The following HEPACAM2 variants were observed in gnomAD, a reference collection of about 807,000 sequenced individuals.
HEPACAM2 encodes mitotic kinetics regulator.
HEPACAM2 carries 49 observed loss-of-function variants against 49.6 expected under a neutral mutation model. That is an observed-to-expected ratio of 0.99 (90% CI 0.78 to 1.25). The LOEUF (loss-of-function observed/expected upper bound fraction) is 1.25, where lower values mean the gene tolerates loss of function less well. HEPACAM2 is among the 50% of genes most tolerant of loss of function. The pLI is 0.00. For synonymous variants in HEPACAM2, 197 were observed against 202.9 expected (o/e 0.97, Z 0.25); for missense variants, 525 against 557.2 (o/e 0.94, Z 0.58).
At chr7:93,226,699 C>T (rs1038855700), upstream of HEPACAM2, among the ~76,000 whole-genome samples, 2 of 152,228 alleles carry the variant, frequency 1.3e-5, no homozygotes, top group African/African-American at 4.8e-5. Context: ...ATAAATTATA[C>T]TTAGTTATTA....
At position 93,189,255 on chromosome 7, in the gene HEPACAM2, G is replaced by T. The variant is rs1476334745; in HGVS notation, c.*12C>A. On this transcript the variant is annotated 3_prime_UTR_variant, in exon 10 of 10. Coordinates refer to ENST00000394468, the MANE Select transcript of HEPACAM2 (RefSeq NM_001039372.4). ...GAATTTCACTCGAATGTACTGTTTA[G>T]CCCATGAAAGTTCACCTAGTGAAGA... 3 of 1,594,550 alleles carry T rather than the reference G, an allele frequency of 1.9e-6. No individual in the cohort carries two copies. The highest frequency in any genetic ancestry group is 2.7e-5 in the African/African-American group (2 of 74,274).
At chr7:93,202,031 C>CCAAAAAAAAAAAAAAAAAAAAAAAAA (rs1793901647) in intron 4 of HEPACAM2, among the ~76,000 whole-genome samples, 1 of 22,758 alleles carries the variant, frequency 4.4e-5, no homozygotes, top group Non-Finnish European at 8.0e-5. Flanking sequence ...AAAAAAAAAA[C>CCAAAAAAAAAAAAAAAAAAAAAAAAA]CAAAAAAAAA....
intron 4 of HEPACAM2, among the ~76,000 whole-genome samples, chr7:93,206,760 T>A (rs957545895): frequency 3.9e-5 from 6 of 152,056 alleles, no homozygotes; most frequent in African/African-American, 1.4e-4. Flanking sequence ...TTTCTTCATA[T>A]GAAAAAACCC....
chr7:93,215,698 G>C lies in HEPACAM2; in HGVS notation c.431-13C>G, dbSNP rs748992799. ...TTTGTGACAGGATCTGCAATATTAA[G>C]AGAGATATGAATGATTTTTTCTTTT... On this transcript the variant is annotated splice_polypyrimidine_tract_variant and intron_variant, in intron 2 of 9. Coordinates refer to ENST00000394468, the MANE Select transcript of HEPACAM2 (RefSeq NM_001039372.4). 6 of 1,605,476 alleles carry C rather than the reference G, an allele frequency of 3.7e-6. No homozygotes were observed. In the African/African-American group the frequency reaches 8.0e-5, roughly 22 times the overall value.
chr7:93,221,850 G>A lies in HEPACAM2; in HGVS notation c.80-2399C>T, dbSNP rs377369233. The stretch of plus-strand genomic sequence containing the variant: ...GATAATGGACCTACTTGCACACTTT[G>A]GTGATTGGTCCATAACAAAGCAGTT... On this transcript the variant is annotated intron_variant, in intron 1 of 9. Coordinates refer to ENST00000394468, the MANE Select transcript of HEPACAM2 (RefSeq NM_001039372.4). Among the ~76,000 whole-genome samples, 4 of 152,016 alleles carry A rather than the reference G, an allele frequency of 2.6e-5. No homozygotes were observed. The East Asian group carries it at 5.8e-4, about 22-fold the overall frequency.
At chr7:93,197,713 A>ACGTGTTTATATATTTTT in intron 4 of HEPACAM2, 103 bp from the exon 5 acceptor site, 2 of 754,800 alleles carry the variant, frequency 2.6e-6, no homozygotes, top group Non-Finnish European at 4.2e-6. Flanking sequence ...AAAAAAATAT[A>ACGTGTTTATATATTTTT]TAAACACGTA....
Position 93,215,505 on chromosome 7 carries a change from AG to A in HEPACAM2, c.610del (p.Leu204PhefsTer6). 1 of 1,613,826 alleles carries A rather than the reference AG, an allele frequency of 6.2e-7. No homozygotes were observed. Among genetic ancestry groups the A allele is most frequent in the Non-Finnish European group, 8.5e-7 (1 of 1,179,838 alleles). ...TYSFSPQNNT[L>X]HIAPVTKEDI... ...TTCCTTGGTTACTGGAGCAATATGA[AG>A]GGTATTGTTTTGGGGAGAAAAGGAG... On this transcript the variant is annotated frameshift_variant, in exon 3 of 10. Coordinates refer to ENST00000394468, the MANE Select transcript of HEPACAM2 (RefSeq NM_001039372.4). LOFTEE classifies it high-confidence loss of function.
At chr7:93,189,723 A>G (rs1013482622) in intron 9 of HEPACAM2, among the ~76,000 whole-genome samples, 1 of 152,006 alleles carries the variant, frequency 6.6e-6, no homozygotes, top group Non-Finnish European at 1.5e-5. Flanking sequence ...CTGTTATTTT[A>G]CAACAGTCTA....
chr7:93,189,207 T>C lies in HEPACAM2; in HGVS notation c.*60A>G, dbSNP rs1348400123. 18 of 1,468,860 alleles carry C rather than the reference T, an allele frequency of 1.2e-5. No homozygotes were observed. Among genetic ancestry groups the C allele is most frequent in the Non-Finnish European group, 1.6e-5 (17 of 1,055,222 alleles). The allele number at this position is 1,468,860 out of a possible 1,614,324, so 91.0% of individuals were successfully genotyped here. ...TCCAGATTAATATACTTTTCCACTG[T>C]TTTTCCTTAAAATGTTTCTTCAGAA... On this transcript the variant is annotated 3_prime_UTR_variant, in exon 10 of 10. Coordinates refer to ENST00000394468, the MANE Select transcript of HEPACAM2 (RefSeq NM_001039372.4).
At chr7:93,198,332 A>C (rs1793789494) in intron 4 of HEPACAM2, among the ~76,000 whole-genome samples, 1 of 152,076 alleles carries the variant, frequency 6.6e-6, no homozygotes, top group Non-Finnish European at 1.5e-5. Context: ...GAATCTTTAC[A>C]ACAATCCTAC....
intron 4 of HEPACAM2, among the ~76,000 whole-genome samples, chr7:93,197,995 T>G (rs987590741): frequency 5.9e-5 from 9 of 152,114 alleles, no homozygotes; most frequent in African/African-American, 2.2e-4. Flanking sequence ...TTTAGCATAA[T>G]TCAAGTATGT....
At chr7:93,208,951 G>A in intron 3 of HEPACAM2, 75 bp from the exon 4 acceptor site, 1 of 1,312,374 alleles carries the variant, frequency 7.6e-7, no homozygotes, top group Non-Finnish European at 1.0e-6. Context: ...GGAGAGCTTA[G>A]TAGCATTTTA....
At chr7:93,200,429 A>C (rs551517317) in intron 4 of HEPACAM2, among the ~76,000 whole-genome samples, 1 of 152,172 alleles carries the variant, frequency 6.6e-6, no homozygotes, top group Non-Finnish European at 1.5e-5. Context: ...ACAAGAGCTA[A>C]GTCTCTACAA....
At chr7:93,199,096 T>C (rs1793813063) in intron 4 of HEPACAM2, among the ~76,000 whole-genome samples, 1 of 152,126 alleles carries the variant, frequency 6.6e-6, no homozygotes, top group South Asian at 2.1e-4. Context: ...TTGTTTTTCA[T>C]TATCAAAAAT....
intron 4 of HEPACAM2, among the ~76,000 whole-genome samples, chr7:93,197,948 G>A (rs1793778655): frequency 6.6e-6 from 1 of 152,010 alleles, no homozygotes; most frequent in Non-Finnish European, 1.5e-5. Flanking sequence ...ATTCCTAAAT[G>A]CTAAGTTGTT....
chr7:93,208,173 G>C (rs984710708), intron 4 of HEPACAM2, among the ~76,000 whole-genome samples: 1 of 151,906 alleles, frequency 6.6e-6, no homozygotes, highest in African/African-American at 2.4e-5. Flanking sequence ...AGTGAGAAGG[G>C]GAATCAAATA....
At chr7:93,227,103 CA>C (rs1794556234), upstream of HEPACAM2, among the ~76,000 whole-genome samples, 1 of 152,048 alleles carries the variant, frequency 6.6e-6, no homozygotes, top group South Asian at 2.1e-4. Context: ...ATGGACCATG[CA>C]TAATTATAAT....
At chr7:93,208,124 G>A (rs1481496221) in intron 4 of HEPACAM2, among the ~76,000 whole-genome samples, 2 of 152,002 alleles carry the variant, frequency 1.3e-5, no homozygotes, top group Non-Finnish European at 2.9e-5. Context: ...GATTTCAGCT[G>A]TTTAAATGGT....
intron 1 of HEPACAM2, chr7:93,219,658 T>C: frequency 1.3e-6 from 1 of 785,950 alleles, no homozygotes; most frequent in Non-Finnish European, 1.9e-6. Context: ...CCAAAGACCG[T>C]GCTGGTTGCA....
Sources: gnomAD v4.1 joint callset for allele counts (sites outside exome capture counted in the v4.1 genomes callset) on GRCh38, gnomAD v4.1.1 for gene constraint, MANE v1.5 for transcripts, NCBI Gene and HGNC (gene_info 2026-07-23, HGNC 2026-07-21) for gene names.